The following ELAPOR2 variants were observed in gnomAD, a reference collection of about 807,000 sequenced individuals.
ELAPOR2 encodes the protein endosome/lysosome-associated apoptosis and autophagy regulator family member 2.
In ELAPOR2, 89 loss-of-function variants were observed where a neutral mutation model predicts 120.7. The observed-to-expected ratio is 0.74, with a 90% CI of 0.62 to 0.88. ELAPOR2 has a LOEUF of 0.88. Ranked by LOEUF, ELAPOR2 falls within the 40% of genes least tolerant of loss-of-function variation. The probability of loss-of-function intolerance (pLI) is 0.00; values close to 1 mark genes in which losing one functional copy is unlikely to be tolerated. For synonymous variants in ELAPOR2, 444 were observed against 444.9 expected (o/e 1.00, Z 0.03); for missense variants, 1,134 against 1,251.6 (o/e 0.91, Z 1.42).
At chr7:86,933,789 A>T (rs1474723390) in intron 8 of ELAPOR2, among the ~76,000 whole-genome samples, 1 of 152,012 alleles carries the variant, frequency 6.6e-6, no homozygotes, top group East Asian at 1.9e-4. Flanking sequence ...ATGACCCTCG[A>T]ATAAAGCTTG....
chr7:87,059,522 G>A lies in ELAPOR2; in HGVS notation c.-9C>T. Reference sequence around the variant, plus strand: ...CGGGCGCGGAACAGCATCTTCGTCCGGCCGCGGTCGGCGGGCCGGCGGCAA... The same window carrying A: ...CGGGCGCGGAACAGCATCTTCGTCCAGCCGCGGTCGGCGGGCCGGCGGCAA... On this transcript the variant is annotated 5_prime_UTR_variant, in exon 1 of 22. Transcript: ENST00000450689. The A allele has an allele frequency of 8.4e-7, 1 of 1,186,176 alleles. No homozygotes were observed. The highest frequency in any genetic ancestry group is 4.5e-5 in the Admixed American group (1 of 22,096). The allele number at this position is 1,186,176 out of a possible 1,614,324, so 73.5% of individuals were successfully genotyped here. A position where few individuals can be genotyped will look rare whatever the true frequency, so the allele number is the denominator to read the frequency against.
In ELAPOR2 at chr7:86,924,887, G is replaced by A. The variant is rs574434657; in HGVS notation, c.1399+641C>T. Among the ~76,000 whole-genome samples, 127 of 152,128 alleles carry A rather than the reference G, an allele frequency of 8.3e-4. 1 individual carries two copies. The highest frequency in any genetic ancestry group is 2.8e-3 in the African/African-American group (116 of 41,534). On this transcript the variant is annotated intron_variant, in intron 10 of 21. Coordinates refer to ENST00000450689, the MANE Select transcript of ELAPOR2 (RefSeq NM_001142749.3). ...GGTTATAAGTAAAGGATGCATTTTA[G>A]TGTAAAGGTCTGGTATATACAATAC...
chr7:86,941,907 C>A (rs888482743), intron 5 of ELAPOR2, 111 bp downstream of exon 5: 37 of 614,500 alleles, frequency 6.0e-5, no homozygotes, highest in Non-Finnish European at 9.7e-5. Context: ...TTAAAATATA[C>A]TTTTCTTAAA....
At chr7:86,896,651 T>C (rs1276438592) in intron 19 of ELAPOR2, among the ~76,000 whole-genome samples, 1 of 152,122 alleles carries the variant, frequency 6.6e-6, no homozygotes, top group East Asian at 1.9e-4. Context: ...AATTTGGGCA[T>C]GGAGTGATAG....
chr7:86,919,203 A>C lies in ELAPOR2; in HGVS notation c.1490+17T>G. 1 of 1,561,462 alleles carries C rather than the reference A, an allele frequency of 6.4e-7. No homozygotes were observed. The highest frequency in any genetic ancestry group is 1.1e-5 in the South Asian group (1 of 89,404). On this transcript the variant is annotated intron_variant, in intron 11 of 21. Transcript: ENST00000450689. ...GTAAGGATTCTTACAGAAAAGAATT[A>C]GAATTGTTTTCCTTACTTAAATCCT... is the stretch of plus-strand genomic sequence containing the variant.
Position 87,021,556 on chromosome 7 carries a change from C to T in ELAPOR2, c.189+37769G>A, listed in dbSNP as rs137984386. Among the ~76,000 whole-genome samples the T allele has an allele frequency of 2.4e-4, 37 of 152,220 alleles. No homozygotes were observed. The East Asian group carries it at 2.5e-3, about 10-fold the overall frequency. ...CACTAAGATGAATAACAACCTTCTA[C>T]GTATACCACTGTTTAGTTAACCAAT... On this transcript the variant is annotated intron_variant, in intron 1 of 21. Transcript: ENST00000450689.
At chr7:86,970,322 A>T (rs187154358) in intron 1 of ELAPOR2, among the ~76,000 whole-genome samples, 1 of 152,332 alleles carries the variant, frequency 6.6e-6, no homozygotes, top group East Asian at 1.9e-4. Context: ...GAAAGGACAA[A>T]AAGAAGTAAA....
chr7:86,938,087 C>G, intron 8 of ELAPOR2, 39 bp downstream of exon 8: 1 of 1,476,500 alleles, frequency 6.8e-7, no homozygotes. Flanking sequence ...AAGAAGGTTG[C>G]AAAAATATGG....
chr7:86,932,383 T>C (rs1375397216), intron 8 of ELAPOR2, among the ~76,000 whole-genome samples: 1 of 151,850 alleles, frequency 6.6e-6, no homozygotes, highest in Non-Finnish European at 1.5e-5. Context: ...AGGGCTCCCA[T>C]CCAATTTCTG....
At chr7:87,015,049 T>G (rs1793824384) in intron 1 of ELAPOR2, among the ~76,000 whole-genome samples, 2 of 152,116 alleles carry the variant, frequency 1.3e-5, no homozygotes, top group South Asian at 4.1e-4. Flanking sequence ...GCAACTGCTA[T>G]GACTATAAAT....
intron 1 of ELAPOR2, among the ~76,000 whole-genome samples, chr7:87,019,381 C>T (rs1266343817): frequency 1.3e-5 from 2 of 152,122 alleles, no homozygotes; most frequent in African/African-American, 4.8e-5. Context: ...CTAGGCTGGT[C>T]TTGAACTCCT....
At chr7:86,886,599 C>T (rs1358597794) in intron 21 of ELAPOR2, among the ~76,000 whole-genome samples, 1 of 152,092 alleles carries the variant, frequency 6.6e-6, no homozygotes, top group Non-Finnish European at 1.5e-5. Flanking sequence ...TGCCCCAGAT[C>T]TTGTGACTCT....
Position 86,907,692 on chromosome 7 carries a change from C to T in ELAPOR2, c.2536G>A (p.Ala846Thr), listed in dbSNP as rs1403306212. 12 of 1,577,392 alleles carry T rather than the reference C, an allele frequency of 7.6e-6. No individual in the cohort carries two copies. The highest frequency in any genetic ancestry group is 1.0e-5 in the Non-Finnish European group (12 of 1,167,884). ...TACCTGGGGACTGAAATCACTCCTGCTCCAGATTTAGTAGGATTACACCTC... is the reference window on the plus strand; with the variant it reads ...TACCTGGGGACTGAAATCACTCCTGTTCCAGATTTAGTAGGATTACACCTC... Reference protein sequence around the residue: ...KMRCNPTKSGAGVISVPSKCP... With the variant: ...KMRCNPTKSGTGVISVPSKCP... The change falls in exon 18 of 22, where the codon GCA becomes ACA. Residue 846 changes from alanine to threonine, a missense_variant. Transcript: ENST00000450689.
chr7:86,880,575 G>T (rs201634839), intron 21 of ELAPOR2, 45 bp from the exon 22 acceptor site: 15 of 1,273,714 alleles, frequency 1.2e-5, no homozygotes, highest in Non-Finnish European at 1.6e-5. Context: ...TGAAATTCTC[G>T]TAAGATTTTA....
intron 1 of ELAPOR2, among the ~76,000 whole-genome samples, chr7:87,054,056 C>T (rs1795191813): frequency 1.3e-5 from 2 of 152,064 alleles, no homozygotes; most frequent in South Asian, 4.1e-4. Context: ...ATTGTCAATA[C>T]CTGCTATATA....
chr7:86,939,493 T>C (rs944562175), intron 6 of ELAPOR2, among the ~76,000 whole-genome samples: 8 of 152,142 alleles, frequency 5.3e-5, no homozygotes, highest in African/African-American at 1.9e-4. Flanking sequence ...GGAGAATCAC[T>C]GCTTTAATGA....
Position 86,937,585 on chromosome 7 carries a change from A to C in ELAPOR2, c.1089+541T>G, listed in dbSNP as rs79243398. Among the ~76,000 whole-genome samples, 343 of 152,172 alleles carry C rather than the reference A, an allele frequency of 2.3e-3. 10 individuals carry two copies. In the East Asian group the frequency reaches 0.057, roughly 25 times the overall value. ...ATATGGTACTTACTTGCATTTTCTCAATGCAATTACACAGTAATCTGCCAT... is the reference window on the plus strand; with the variant it reads ...ATATGGTACTTACTTGCATTTTCTCCATGCAATTACACAGTAATCTGCCAT... On this transcript the variant is annotated intron_variant, in intron 8 of 21. Transcript: ENST00000450689.
chr7:87,025,323 G>T (rs978983418), intron 1 of ELAPOR2, among the ~76,000 whole-genome samples: 3 of 151,958 alleles, frequency 2.0e-5, no homozygotes, highest in African/African-American at 7.2e-5. Context: ...TCCCCCTTCA[G>T]TCAAGAGTAT....
At chr7:86,985,370 C>T (rs1792686470) in intron 1 of ELAPOR2, among the ~76,000 whole-genome samples, 1 of 152,160 alleles carries the variant, frequency 6.6e-6, no homozygotes, top group Admixed American at 6.5e-5. Context: ...GATACCAAAG[C>T]CTGGCAGAGA....
Sources: allele counts gnomAD v4.1 joint callset (sites outside exome capture counted in the v4.1 genomes callset), GRCh38; gene constraint gnomAD v4.1.1; transcripts MANE v1.5; gene names NCBI Gene and HGNC (gene_info 2026-07-23, HGNC 2026-07-21).